Variants in CNKSR3 observed in about 807,000 individuals in gnomAD.
CNKSR3 encodes CNKSR family member 3.
A neutral mutation model predicts 67.7 loss-of-function variants in CNKSR3; 36 were observed. That is an observed-to-expected ratio of 0.53 (90% CI 0.41 to 0.70). The LOEUF (loss-of-function observed/expected upper bound fraction) is 0.70. Among genes scored for constraint, CNKSR3 ranks in the 30% least tolerant of loss-of-function variants. CNKSR3 has a pLI of 0.00. For missense variants in CNKSR3, 630 were observed against 695.2 expected (o/e 0.91, Z 1.05); for synonymous variants, 281 against 271.4 (o/e 1.04, Z -0.35).
chr6:154,505,503 T>A (rs1367303908), intron 1 of CNKSR3, among the ~76,000 whole-genome samples: 2,680 of 147,970 alleles, frequency 0.018, 67 homozygotes, highest in African/African-American at 0.058. Flanking sequence ...ATTATTTTTT[T>A]TTTTTTTTTT....
chr6:154,412,234 C>G (rs1400210646), intron 10 of CNKSR3, among the ~76,000 whole-genome samples: 1 of 152,164 alleles, frequency 6.6e-6, no homozygotes, highest in Non-Finnish European at 1.5e-5. Context: ...ACCTTTAAAC[C>G]GGGCATATAA....
chr6:154,476,703 T>C (rs1332227050), intron 1 of CNKSR3, among the ~76,000 whole-genome samples: 1 of 152,178 alleles, frequency 6.6e-6, no homozygotes, highest in Non-Finnish European at 1.5e-5. Context: ...CCTGTCATTA[T>C]GGTAACCACA....
At chr6:154,430,178 T>C (rs970659978) in intron 6 of CNKSR3, among the ~76,000 whole-genome samples, 5 of 152,330 alleles carry the variant, frequency 3.3e-5, no homozygotes, top group Middle Eastern at 3.4e-3. Flanking sequence ...CCAGAGACCA[T>C]CTTTCCTTTG....
In CNKSR3 at chr6:154,414,349, G is replaced by T; in HGVS notation, c.1020C>A (p.Ala340=). The T allele has an allele frequency of 6.2e-7, 1 of 1,612,248 alleles. No individual in the cohort carries two copies. Among genetic ancestry groups the T allele is most frequent in the South Asian group, 1.1e-5 (1 of 90,658 alleles). ...GAGGAGGAATATAAAGATCCAGGAT[G>T]GCTGACTTCTCCTTCTTCAGTGAGG... The part of the protein sequence containing the change: ...MDTSLKKEKS[A]ILDLYIPPPP... The change falls in exon 10 of 13, where the codon GCC becomes GCA. Residue 340 remains alanine (A), a synonymous_variant. Coordinates refer to ENST00000607772, the MANE Select transcript of CNKSR3 (RefSeq NM_173515.4).
At chr6:154,465,551 C>T (rs1367704201) in intron 1 of CNKSR3, among the ~76,000 whole-genome samples, 1 of 152,152 alleles carries the variant, frequency 6.6e-6, no homozygotes, top group Non-Finnish European at 1.5e-5. Flanking sequence ...CTCACAGCCT[C>T]GCCGAGCCTG....
At chr6:154,430,991 T>G (rs982722502) in intron 5 of CNKSR3, among the ~76,000 whole-genome samples, 1 of 152,156 alleles carries the variant, frequency 6.6e-6, no homozygotes, top group African/African-American at 2.4e-5. Flanking sequence ...AAGCCATTTT[T>G]TCAATGGACT....
At chr6:154,428,972 G>C (rs1016948193) in intron 6 of CNKSR3, among the ~76,000 whole-genome samples, 2 of 152,138 alleles carry the variant, frequency 1.3e-5, no homozygotes, top group Non-Finnish European at 2.9e-5. Flanking sequence ...ACAAAGCATA[G>C]GTAGCAAATT....
chr6:154,468,062 T>TTTTTTTTC (rs1786241938), intron 1 of CNKSR3, among the ~76,000 whole-genome samples: 1 of 131,920 alleles, frequency 7.6e-6, no homozygotes, highest in Admixed American at 9.1e-5. Context: ...GCCTAGGCTT[T>TTTTTTTTC]TTTTTTTTCT....
intron 12 of CNKSR3, among the ~76,000 whole-genome samples, chr6:154,407,872 GAAAAAAA>G (rs56406534): frequency 4.4e-5 from 3 of 68,662 alleles, no homozygotes; most frequent in Admixed American, 4.5e-4. Context: ...TTTAGAATTT[GAAAAAAA>G]AAAAAAAAAA....
intron 1 of CNKSR3, among the ~76,000 whole-genome samples, chr6:154,490,483 C>T (rs758809050): frequency 3.3e-5 from 5 of 152,060 alleles, no homozygotes; most frequent in Admixed American, 2.0e-4. Flanking sequence ...TGTGTATATA[C>T]GTATACAATA....
intron 8 of CNKSR3, 40 bp from the exon 9 acceptor site, chr6:154,422,692 A>G (rs1785172078): frequency 6.2e-7 from 1 of 1,607,662 alleles, no homozygotes; most frequent in Non-Finnish European, 8.5e-7. Flanking sequence ...CTTGCTCATG[A>G]ATAACGAAAA....
intron 1 of CNKSR3, among the ~76,000 whole-genome samples, chr6:154,502,974 C>T (rs529776559): frequency 1.3e-5 from 2 of 152,184 alleles, no homozygotes; most frequent in South Asian, 2.1e-4. Context: ...GGGGAATGCA[C>T]GAAGGAGCCG....
chr6:154,411,633 CAAAA>C (rs57943019), intron 10 of CNKSR3, among the ~76,000 whole-genome samples: 52,194 of 102,622 alleles, frequency 0.51, 11,177 homozygotes, highest in East Asian at 0.62. Flanking sequence ...GACTCCATCT[CAAAA>C]AAAAAAAAAA....
chr6:154,492,280 G>T (rs1786796266), intron 1 of CNKSR3, among the ~76,000 whole-genome samples: 1 of 152,058 alleles, frequency 6.6e-6, no homozygotes, highest in Non-Finnish European at 1.5e-5. Context: ...ATTTCTAAAG[G>T]CTGCGATGCC....
chr6:154,450,055 G>A, intron 2 of CNKSR3, 40 bp downstream of exon 2: 1 of 1,578,290 alleles, frequency 6.3e-7, no homozygotes, highest in South Asian at 1.1e-5. Flanking sequence ...AGGCTCTAAA[G>A]AACGTCATCA....
intron 2 of CNKSR3, among the ~76,000 whole-genome samples, chr6:154,445,262 TAGC>T (rs1785685971): frequency 6.6e-6 from 1 of 152,160 alleles, no homozygotes; most frequent in Non-Finnish European, 1.5e-5. Context: ...TATTCTATAT[TAGC>T]AGTATTTTTC....
intron 9 of CNKSR3, among the ~76,000 whole-genome samples, chr6:154,422,182 C>G (rs1785159455): frequency 6.6e-6 from 1 of 151,854 alleles, no homozygotes; most frequent in African/African-American, 2.4e-5. Context: ...TTAGTAGAGA[C>G]GGGGTTTCAC....
At chr6:154,495,542 A>ATTTT (rs57229246) in intron 1 of CNKSR3, among the ~76,000 whole-genome samples, 11 of 138,954 alleles carry the variant, frequency 7.9e-5, no homozygotes, top group African/African-American at 2.4e-4. Flanking sequence ...TCATTTTAAC[A>ATTTT]TTTTTTTTTT....
chr6:154,461,112 A>T (rs754917165), intron 1 of CNKSR3, among the ~76,000 whole-genome samples: 3 of 152,216 alleles, frequency 2.0e-5, no homozygotes, highest in Non-Finnish European at 2.9e-5. Context: ...GTTCCCACCC[A>T]CACAGTGGCT....
Sources: allele counts gnomAD v4.1 joint callset (sites outside exome capture counted in the v4.1 genomes callset), GRCh38; gene constraint gnomAD v4.1.1; transcripts MANE v1.5; gene names NCBI Gene and HGNC (gene_info 2026-07-23, HGNC 2026-07-21).